Variants in SLC9B1 observed in about 807,000 individuals in gnomAD.
SLC9B1 encodes solute carrier family 9 member B1.
Under a neutral mutation model 51.7 loss-of-function variants are expected in SLC9B1, and 32 were observed. The observed-to-expected ratio is 0.62, with a 90% confidence interval of 0.47 to 0.83. SLC9B1 has a LOEUF of 0.83. SLC9B1 is among the 40% of genes least tolerant of loss of function. The pLI, the probability that SLC9B1 is intolerant of heterozygous loss-of-function variation, is 0.00. For synonymous variants in SLC9B1, 145 were observed against 212.7 expected (o/e 0.68, Z 2.77); for missense variants, 406 against 613.2 (o/e 0.66, Z 3.57).
At chr4:102,992,776 A>C (rs1350984151) in intron 1 of SLC9B1, among the ~76,000 whole-genome samples, 1 of 152,192 alleles carries the variant, frequency 6.6e-6, no homozygotes, top group African/African-American at 2.4e-5. Flanking sequence ...GTCCATTTTC[A>C]TGCAGCTATG....
intron 7 of SLC9B1, among the ~76,000 whole-genome samples, chr4:102,927,637 T>A (rs1204076076): frequency 1.3e-5 from 2 of 152,124 alleles, no homozygotes; most frequent in Non-Finnish European, 1.5e-5. Context: ...GGAGTGTAAA[T>A]TAGTTCAACC....
intron 1 of SLC9B1, among the ~76,000 whole-genome samples, chr4:103,007,126 A>G (rs1205184110): frequency 1.3e-5 from 2 of 152,204 alleles, no homozygotes; most frequent in Non-Finnish European, 2.9e-5. Context: ...TCTAGCCAGA[A>G]CAATCAGGCA....
chr4:102,990,041 T>G (rs1339893866), intron 2 of SLC9B1, 100 bp from the exon 3 acceptor site: 4 of 926,658 alleles, frequency 4.3e-6, no homozygotes, highest in Non-Finnish European at 4.8e-6. Flanking sequence ...ATATTATTAC[T>G]GTCAATGCGA....
chr4:102,943,513 A>ACACACACACACACT (rs1205436758), intron 6 of SLC9B1, among the ~76,000 whole-genome samples: 1 of 151,668 alleles, frequency 6.6e-6, no homozygotes, highest in Non-Finnish European at 1.5e-5. Flanking sequence ...GTATACACAC[A>ACACACACACACACT]CACACACACA....
intron 3 of SLC9B1, among the ~76,000 whole-genome samples, chr4:102,956,954 T>A (rs919782292): frequency 9.9e-5 from 15 of 152,062 alleles, no homozygotes; most frequent in African/African-American, 3.6e-4. Flanking sequence ...TAATGTGCTG[T>A]CTAATAGAGA....
intron 7 of SLC9B1, among the ~76,000 whole-genome samples, chr4:102,927,256 T>C (rs1736231623): frequency 6.6e-6 from 1 of 152,154 alleles, no homozygotes; most frequent in Admixed American, 6.5e-5. Flanking sequence ...AAATGGAATC[T>C]AACTAAACTA....
chr4:102,885,084 C>T, exon 12 of SLC9B1: 1 of 746,740 alleles, frequency 1.3e-6, no homozygotes, highest in Non-Finnish European at 2.4e-6. Flanking sequence ...TATTTATTCA[C>T]AGTTTTATGG....
chr4:102,890,951 A>G (rs1466742862), intron 11 of SLC9B1: 1 of 150,278 alleles, frequency 6.7e-6, no homozygotes, highest in Non-Finnish European at 1.5e-5. Context: ...TCAGCATTGT[A>G]GGAAATTTAA....
intron 2 of SLC9B1, among the ~76,000 whole-genome samples, chr4:102,991,266 T>G (rs1447688923): frequency 1.3e-5 from 2 of 152,026 alleles, no homozygotes; most frequent in African/African-American, 4.8e-5. Flanking sequence ...GCTCTATATA[T>G]CTATAAAAAT....
In SLC9B1 at chr4:103,000,783, T is replaced by C. The variant is rs563079709; in HGVS notation, c.-1-9071A>G. 2.3e-3 allele frequency among the ~76,000 whole-genome samples: 352 copies of C among 152,276 alleles called. 2 individuals carry two copies. The highest frequency in any genetic ancestry group is 7.9e-3 in the African/African-American group (328 of 41,556). On this transcript the variant is annotated intron_variant, in intron 1 of 11. Coordinates refer to ENST00000296422, the MANE Select transcript of SLC9B1 (RefSeq NM_139173.4). ...GGCTGCTTTCACAGCTGGCATTGAG[T>C]GTCTGCCGACATTACAGGGGCATGG...
intron 1 of SLC9B1, among the ~76,000 whole-genome samples, chr4:102,995,468 G>T (rs1461746613): frequency 6.6e-6 from 1 of 152,134 alleles, no homozygotes; most frequent in Non-Finnish European, 1.5e-5. Flanking sequence ...CATATTTTAA[G>T]ATATGTAACT....
At chr4:102,977,312 A>G (rs1401119134) in intron 3 of SLC9B1, among the ~76,000 whole-genome samples, 2 of 149,694 alleles carry the variant, frequency 1.3e-5, no homozygotes, top group South Asian at 4.2e-4. Flanking sequence ...AAAAAAAAAA[A>G]AAAACAGAAA....
rs1237671666 is a variant in SLC9B1 at position 102,893,960 on chromosome 4, T to A, written c.1333-8632A>T. Among the ~76,000 whole-genome samples the A allele has an allele frequency of 2.0e-5, 3 of 152,136 alleles. No individual in the cohort carries two copies. In the East Asian group the frequency reaches 5.8e-4, roughly 29 times the overall value. ...ATCTGACATACATATGAATGAATAT[T>A]CTAAATAAAAACCCAGCACTGTTAT... is the stretch of plus-strand genomic sequence containing the variant. On this transcript the variant is annotated intron_variant, in intron 11 of 11. Coordinates refer to the SLC9B1 transcript ENST00000394789.
intron 9 of SLC9B1, among the ~76,000 whole-genome samples, chr4:102,908,882 A>G (rs1735199377): frequency 6.6e-6 from 1 of 152,294 alleles, no homozygotes; most frequent in Admixed American, 6.5e-5. Context: ...AACCCAATAA[A>G]AATGGTCAAA....
chr4:102,941,505 G>C (rs1259021600), intron 6 of SLC9B1: 1 of 454,700 alleles, frequency 2.2e-6, no homozygotes, highest in Admixed American at 2.4e-5. Flanking sequence ...AGATGCTGGC[G>C]AGCTTGGGGA....
Position 102,948,302 on chromosome 4 carries a change from T to C in SLC9B1, c.382+955A>G, listed in dbSNP as rs1737367330. Reference sequence around the variant, plus strand: ...CATTCCATGAATCTAGTATCACAGTTATACCCGAATCAGGCAAAGCCATAC... The same window carrying C: ...CATTCCATGAATCTAGTATCACAGTCATACCCGAATCAGGCAAAGCCATAC... On this transcript the variant is annotated intron_variant, in intron 4 of 11. Transcript: ENST00000296422. 8.1e-5 allele frequency among the ~76,000 whole-genome samples: 12 copies of C among 148,168 alleles called. No individual in the cohort carries two copies. The South Asian group carries it at 2.6e-3, about 32-fold the overall frequency.
chr4:102,911,149 G>A (rs549326256), intron 8 of SLC9B1, among the ~76,000 whole-genome samples: 1 of 152,232 alleles, frequency 6.6e-6, no homozygotes, highest in African/African-American at 2.4e-5. Context: ...AACATCAGTA[G>A]GCAGTTTAGT....
chr4:102,890,861 T>C (rs1022728115), intron 11 of SLC9B1: 1 of 92,780 alleles, frequency 1.1e-5, no homozygotes, highest in Non-Finnish European at 2.1e-5. Context: ...AAAGTCTTTT[T>C]TTTTTTTCAT....
intron 3 of SLC9B1, among the ~76,000 whole-genome samples, chr4:102,971,028 CAAT>C (rs1197707887): frequency 1.3e-5 from 2 of 152,114 alleles, no homozygotes; most frequent in African/African-American, 2.4e-5. Context: ...GACATCCACA[CAAT>C]AATAATGAGA....
Sources: allele counts gnomAD v4.1 joint callset (sites outside exome capture counted in the v4.1 genomes callset), GRCh38; gene constraint gnomAD v4.1.1; transcripts MANE v1.5; gene names NCBI Gene and HGNC (gene_info 2026-07-23, HGNC 2026-07-21).